BCAS3: variants seen among roughly 807,000 people sequenced by gnomAD.
The protein encoded by BCAS3 is BCAS3 microtubule associated cell migration factor.
Under a neutral mutation model 116.1 loss-of-function variants are expected in BCAS3, and 53 were observed. The observed-to-expected ratio is 0.46, with a 90% confidence interval of 0.37 to 0.57. The LOEUF is 0.57. BCAS3 is among the 20% of genes least tolerant of loss of function. The probability of loss-of-function intolerance (pLI) is 0.00; values close to 1 mark genes in which losing one functional copy is unlikely to be tolerated. For missense variants in BCAS3, 917 were observed against 1,165.4 expected, an observed-to-expected ratio of 0.79 and a Z score of 3.10; for synonymous variants, 391 against 408.2, an observed-to-expected ratio of 0.96 and a Z score of 0.51.
In BCAS3 at chr17:61,249,804, G is replaced by GA. The variant is rs35636245; in HGVS notation, c.2426-118517dup. Among the ~76,000 whole-genome samples, 5,759 of 152,122 alleles carry GA rather than the reference G, an allele frequency of 0.038. 180 individuals are homozygous for GA. The highest frequency in any genetic ancestry group is 0.057 in the Non-Finnish European group (3,882 of 67,988). The stretch of plus-strand genomic sequence containing the variant: ...CCTTAATCTGTTATCTGTCAAAAGG[G>GA]AAAAAACTTTCTGTTATCTACCTGA... On this transcript the variant is annotated intron_variant, in intron 22 of 23. Coordinates refer to ENST00000407086, the MANE Select transcript of BCAS3 (RefSeq NM_017679.5). This position sits in a 1 kb window ranked among gnomAD's most constrained non-coding sequence, Gnocchi z 6.2.
At chr17:61,341,997 A>G (rs2057193222) in intron 22 of BCAS3, among the ~76,000 whole-genome samples, 4 of 152,196 alleles carry the variant, frequency 2.6e-5, no homozygotes, top group Admixed American at 2.0e-4. Flanking sequence ...AACTTCGGAC[A>G]GTGGTTTAGG....
At chr17:61,212,145 G>C (rs1458709213) in intron 22 of BCAS3, among the ~76,000 whole-genome samples, 1 of 152,132 alleles carries the variant, frequency 6.6e-6, no homozygotes, top group Admixed American at 6.5e-5. Context: ...TCAACTTGTT[G>C]CTCCTTAAGG....
At position 61,368,392 on chromosome 17, in the gene BCAS3, C is replaced by T. The variant is rs1281786484; in HGVS notation, c.2491C>T (p.Arg831Trp). The change falls in exon 23 of 24, where the codon CGG becomes TGG. Residue 831 changes from arginine to tryptophan, a missense_variant. By Grantham distance (101) the Arg-to-Trp change is moderately radical. Coordinates refer to ENST00000407086, the MANE Select transcript of BCAS3 (RefSeq NM_017679.5). This position sits in a 1 kb window ranked among gnomAD's most constrained non-coding sequence, Gnocchi z 6.0. ...GAGCTGGCCTGAGGGCTTCGGGCTG[C>T]GGCACATGTCCTCCATGGAGCACAC... Reference protein sequence around the residue: ...CGSWPEGFGLRHMSSMEHTEE... With the variant: ...CGSWPEGFGLWHMSSMEHTEE... 3 of 1,612,694 alleles carry T rather than the reference C, an allele frequency of 1.9e-6. No individual in the cohort carries two copies. Among genetic ancestry groups the T allele is most frequent in the Non-Finnish European group, 2.5e-6 (3 of 1,178,950 alleles).
In BCAS3 at chr17:61,282,318, T is replaced by C. The variant is rs2051308692; in HGVS notation, c.2426-86009T>C. On this transcript the variant is annotated intron_variant, in intron 22 of 23. Transcript: ENST00000407086. This position sits in a 1 kb window ranked among gnomAD's most constrained non-coding sequence, Gnocchi z 5.9. ...GGAATACCTTACCGATGAGAAGGCT[T>C]TCCTGAGCCTTGGTTGGGAGCTGAA... 6.6e-6 allele frequency among the ~76,000 whole-genome samples: 1 copy of C among 152,224 alleles called. No individual in the cohort carries two copies. The highest frequency in any genetic ancestry group is 2.1e-4 in the South Asian group (1 of 4,820).
At chr17:60,727,537 A>G in intron 5 of BCAS3, 1 of 1,272,160 alleles carries the variant, frequency 7.9e-7, no homozygotes, top group Non-Finnish European at 1.1e-6. Context: ...GGCATCTGAG[A>G]CTCTCGCCTC....
chr17:61,169,363 T>A (rs573830495), intron 22 of BCAS3, among the ~76,000 whole-genome samples: 13 of 152,346 alleles, frequency 8.5e-5, no homozygotes, highest in African/African-American at 2.9e-4. Flanking sequence ...AGAAGTAGAA[T>A]AACTTGGTTT....
rs1401189577 is a variant in BCAS3, at chr17:61,098,891, C to T, written c.2425+14327C>T. On this transcript the variant is annotated intron_variant, in intron 22 of 23. Transcript: ENST00000407086. The surrounding 1 kb of genome is among the most constrained non-coding windows in gnomAD (Gnocchi z 4.2). ...CTGTAATACCAGCACTTTGGGAGGC[C>T]GAGGCAGGTGATCACCAGGTCAGGA... 1.3e-5 allele frequency among the ~76,000 whole-genome samples: 2 copies of T among 152,080 alleles called. No individual in the cohort carries two copies. Among genetic ancestry groups the T allele is most frequent in the African/African-American group, 2.4e-5 (1 of 41,500 alleles).
chr17:61,042,717 A>G lies in BCAS3; in HGVS notation c.2029+1825A>G, dbSNP rs568275663. ...AGCCTGGCCATCATGGTGAAACCCC[A>G]TCTCTACTAAAAATACGAAAAAATT... is the stretch of plus-strand genomic sequence containing the variant. On this transcript the variant is annotated intron_variant, in intron 19 of 23. Coordinates refer to ENST00000407086, the MANE Select transcript of BCAS3 (RefSeq NM_017679.5). Among the ~76,000 whole-genome samples, 3 of 151,544 alleles carry G rather than the reference A, an allele frequency of 2.0e-5. No homozygotes were observed. The East Asian group carries it at 5.8e-4, about 30-fold the overall frequency.
intron 5 of BCAS3, among the ~76,000 whole-genome samples, chr17:60,746,966 C>A (rs1219661487): frequency 1.3e-5 from 2 of 151,950 alleles, no homozygotes; most frequent in Non-Finnish European, 2.9e-5. Context: ...CAGAACAGAC[C>A]CTTTTTTTCT....
intron 14 of BCAS3, among the ~76,000 whole-genome samples, chr17:60,963,620 A>G (rs1338764878): frequency 1.3e-5 from 2 of 150,266 alleles, no homozygotes; most frequent in Non-Finnish European, 2.9e-5. Flanking sequence ...CAGTGGCGCA[A>G]TCTCAGCTCA....
At chr17:60,949,000 C>T (rs2060684549) in intron 14 of BCAS3, among the ~76,000 whole-genome samples, 1 of 151,822 alleles carries the variant, frequency 6.6e-6, no homozygotes, top group African/African-American at 2.4e-5. Context: ...CCTCAGCATC[C>T]TGAGTAGCTG....
rs561268736 is a variant in BCAS3 at position 60,869,928 on chromosome 17, AAAC to A, written c.584+1253_584+1255del. Among the ~76,000 whole-genome samples, 332 of 152,326 alleles carry A rather than the reference AAAC, an allele frequency of 2.2e-3. 1 individual carries two copies. Among genetic ancestry groups the A allele is most frequent in the Non-Finnish European group, 3.9e-3 (263 of 68,012 alleles). Reference sequence around the variant, plus strand: ...TTACATAAATATACTAGAAGTCAAAAAACAACAACACAAAACTCTTTCTCTTAT... The same window carrying A: ...TTACATAAATATACTAGAAGTCAAAAAACAACACAAAACTCTTTCTCTTAT... On this transcript the variant is annotated intron_variant, in intron 8 of 23. Transcript: ENST00000407086.
At position 60,924,512 on chromosome 17, in the gene BCAS3, C is replaced by G; in HGVS notation, c.1087+12C>G. ...TTTTAATACAAGTGGTAAGTTCGCT[C>G]TCTGTCTTTTTTTTTTTTTTTTTTG... On this transcript the variant is annotated intron_variant, in intron 13 of 23. Transcript: ENST00000407086. The G allele has an allele frequency of 1.4e-6, 2 of 1,442,458 alleles. No homozygotes were observed. Among genetic ancestry groups the G allele is most frequent in the African/African-American group, 1.5e-5 (1 of 66,988 alleles). 89.4% of individuals were successfully genotyped at this position (1,442,458 alleles called of 1,614,324 possible).
At position 61,356,158 on chromosome 17, in the gene BCAS3, C is replaced by T. The variant is rs1341766079; in HGVS notation, c.2426-12169C>T. On this transcript the variant is annotated intron_variant, in intron 22 of 23. Transcript: ENST00000407086. This position sits in a 1 kb window ranked among gnomAD's most constrained non-coding sequence, Gnocchi z 5.4. The stretch of plus-strand genomic sequence containing the variant: ...TACAGGCGCCTGCCATCATGCCCGG[C>T]TGATTTTTGTATTTTTGTAGAGACG... Among the ~76,000 whole-genome samples the T allele has an allele frequency of 6.6e-6, 1 of 152,126 alleles. No individual in the cohort carries two copies. Among genetic ancestry groups the T allele is most frequent in the African/African-American group, 2.4e-5 (1 of 41,434 alleles).
rs370953808 is a variant in BCAS3 at position 60,947,364 on chromosome 17, A to G, written c.1221+12A>G. The G allele has an allele frequency of 1.9e-6, 3 of 1,610,086 alleles. No individual in the cohort carries two copies. In the African/African-American group the frequency reaches 4.0e-5, roughly 22 times the overall value. On this transcript the variant is annotated intron_variant, in intron 14 of 23. Coordinates refer to ENST00000407086, the MANE Select transcript of BCAS3 (RefSeq NM_017679.5). ...AAACTGAAGCCAAAGTAAGCTGTATAATTTTTCAGAAGGCGATTTCTTGGT... is the reference window on the plus strand; with the variant it reads ...AAACTGAAGCCAAAGTAAGCTGTATGATTTTTCAGAAGGCGATTTCTTGGT...
rs1013108576 is a variant in BCAS3, at chr17:61,215,824, T to A, written c.2425+131260T>A. 1.3e-5 allele frequency among the ~76,000 whole-genome samples: 2 copies of A among 152,194 alleles called. No homozygotes were observed. The highest frequency in any genetic ancestry group is 4.8e-5 in the African/African-American group (2 of 41,452). ...CTTGGAGACCTTTTAAAAATTCCAGTTGAAGTTGGAGCTTAGGCATCAGTA... is the reference window on the plus strand; with the variant it reads ...CTTGGAGACCTTTTAAAAATTCCAGATGAAGTTGGAGCTTAGGCATCAGTA... On this transcript the variant is annotated intron_variant, in intron 22 of 23. Transcript: ENST00000407086. This position sits in a 1 kb window ranked among gnomAD's most constrained non-coding sequence, Gnocchi z 4.8.
intron 22 of BCAS3, among the ~76,000 whole-genome samples, chr17:61,312,977 G>A (rs905873886): frequency 6.6e-5 from 10 of 152,212 alleles, no homozygotes; most frequent in African/African-American, 2.4e-4. Context: ...TCCAAGCACT[G>A]CCAGCCTGTG....
chr17:61,102,313 T>A (rs2074377873), intron 22 of BCAS3, among the ~76,000 whole-genome samples: 1 of 152,146 alleles, frequency 6.6e-6, no homozygotes, highest in Non-Finnish European at 1.5e-5. Context: ...TTTTTAAATC[T>A]TGAATTATAT....
intron 7 of BCAS3, among the ~76,000 whole-genome samples, chr17:60,828,608 A>G (rs983911098): frequency 1.3e-5 from 2 of 152,200 alleles, no homozygotes; most frequent in African/African-American, 4.8e-5. Flanking sequence ...TCTCAGTGAG[A>G]TGTAAGGAAT....
Sources: gnomAD v4.1 joint callset for allele counts (sites outside exome capture counted in the v4.1 genomes callset) on GRCh38, gnomAD v4.1.1 for gene constraint, Gnocchi (gnomAD v3.1) non-coding constraint, MANE v1.5 for transcripts, NCBI Gene and HGNC (gene_info 2026-07-23, HGNC 2026-07-21) for gene names.